EDARADD: variants seen among roughly 807,000 people sequenced by gnomAD.
EDARADD encodes the protein EDAR associated via death domain, also known as ectodysplasin-A receptor-associated adapter protein.
A neutral mutation model predicts 25.6 loss-of-function variants in EDARADD; 20 were observed. The ratio of observed to expected loss-of-function variants is 0.78; its 90% confidence interval spans 0.55 to 1.14. The LOEUF (loss-of-function observed/expected upper bound fraction) is 1.14, where lower values mean the gene tolerates loss of function less well. Ranked by LOEUF, EDARADD falls within the 50% of genes most tolerant of loss-of-function variation. EDARADD has a pLI of 0.00. For synonymous variants in EDARADD, 86 were observed against 94.4 expected, an observed-to-expected ratio of 0.91 and a Z score of 0.52; for missense variants, 225 against 270.1, an observed-to-expected ratio of 0.83 and a Z score of 1.17.
At chr1:236,428,552 CAG>C (rs1657991223) in intron 4 of EDARADD, among the ~76,000 whole-genome samples, 1 of 142,998 alleles carries the variant, frequency 7.0e-6, no homozygotes, top group Non-Finnish European at 1.6e-5. Flanking sequence ...GGCGGCCAGT[CAG>C]AGACACTCCT....
chr1:236,463,947 C>T (rs1438794593), intron 4 of EDARADD, among the ~76,000 whole-genome samples: 1 of 152,208 alleles, frequency 6.6e-6, no homozygotes, highest in African/African-American at 2.4e-5. Context: ...GACAGGGTGC[C>T]TGGGGAACAC....
chr1:236,409,833 G>A (rs1657395482), intron 2 of EDARADD, among the ~76,000 whole-genome samples: 1 of 151,792 alleles, frequency 6.6e-6, no homozygotes, highest in Non-Finnish European at 1.5e-5. Flanking sequence ...CAAAGTGCTG[G>A]GATTACAGAT....
chr1:236,417,931 A>C (rs1422024166), intron 3 of EDARADD, among the ~76,000 whole-genome samples: 1 of 110,058 alleles, frequency 9.1e-6, no homozygotes. Flanking sequence ...AGTAAGGTAG[A>C]CTTTTTTTTT....
At chr1:236,426,878 GT>G (rs1657933830) in intron 3 of EDARADD, among the ~76,000 whole-genome samples, 1 of 152,082 alleles carries the variant, frequency 6.6e-6, no homozygotes, top group Non-Finnish European at 1.5e-5. Context: ...GAGACCCTCT[GT>G]CTCTTATTTT....
chr1:236,394,843 G>A (rs991496678), intron 1 of EDARADD, among the ~76,000 whole-genome samples: 4 of 152,230 alleles, frequency 2.6e-5, no homozygotes, highest in East Asian at 1.9e-4. Context: ...CCACTTAAGC[G>A]TAATATTTTA....
rs180963422 is a variant in EDARADD, at chr1:236,418,174, C to T, written c.160+3875C>T. Among the ~76,000 whole-genome samples, 505 of 151,654 alleles carry T rather than the reference C, an allele frequency of 3.3e-3. 4 individuals carry two copies. Among genetic ancestry groups the T allele is most frequent in the African/African-American group, 0.012 (486 of 41,360 alleles). On this transcript the variant is annotated intron_variant, in intron 3 of 5. Transcript: ENST00000334232. ...TTCACCGTGTTAGCCAGGATGGTCTCGATCTCCTGACTTCATGATCCACCT... is the reference window on the plus strand; with the variant it reads ...TTCACCGTGTTAGCCAGGATGGTCTTGATCTCCTGACTTCATGATCCACCT...
chr1:236,362,987 GAAAAA>G (rs577963160), intron 3 of EDARADD, among the ~76,000 whole-genome samples: 73 of 29,538 alleles, frequency 2.5e-3, no homozygotes, highest in South Asian at 4.9e-3. Flanking sequence ...CTTTTTTTAA[GAAAAA>G]AAAAAAAAAA....
intron 4 of EDARADD, among the ~76,000 whole-genome samples, chr1:236,435,723 A>G (rs1172520531): frequency 6.6e-6 from 1 of 152,276 alleles, no homozygotes; most frequent in Non-Finnish European, 1.5e-5. Context: ...TCTACTTTTC[A>G]GGATGAGAAA....
At chr1:236,479,745 CA>C (rs71928175) in intron 5 of EDARADD, among the ~76,000 whole-genome samples, 91 of 146,178 alleles carry the variant, frequency 6.2e-4, no homozygotes, top group Admixed American at 8.9e-4. Flanking sequence ...AAAGTTTAAT[CA>C]AAAAAAAAAA....
At chr1:236,427,894 AAT>A (rs1342530945) in intron 4 of EDARADD, among the ~76,000 whole-genome samples, 7 of 151,866 alleles carry the variant, frequency 4.6e-5, no homozygotes, top group Admixed American at 1.3e-4. Context: ...CCAAAAAGGA[AAT>A]ATGTTTATTG....
chr1:236,411,989 A>C (rs1294705769), intron 2 of EDARADD, among the ~76,000 whole-genome samples: 1 of 152,194 alleles, frequency 6.6e-6, no homozygotes, highest in Non-Finnish European at 1.5e-5. Context: ...ACTTCAACAC[A>C]TCTGGTTTGG....
chr1:236,394,011 A>AC (rs34738771), upstream of EDARADD, among the ~76,000 whole-genome samples: 116,909 of 150,582 alleles, frequency 0.78, 46,371 homozygotes, highest in South Asian at 0.91. Context: ...AAAAAAAAAA[A>AC]CCCTTAAAAT....
At chr1:236,410,083 TTTA>T (rs1039226306) in intron 2 of EDARADD, among the ~76,000 whole-genome samples, 4 of 152,248 alleles carry the variant, frequency 2.6e-5, no homozygotes, top group Admixed American at 1.3e-4. Flanking sequence ...ATTTTATGGT[TTTA>T]TTATTATTAT....
intron 3 of EDARADD, among the ~76,000 whole-genome samples, chr1:236,366,169 G>T (rs1053789486): frequency 6.6e-6 from 1 of 152,210 alleles, no homozygotes; most frequent in African/African-American, 2.4e-5. Flanking sequence ...TTGGTTGGCT[G>T]CCAGACATTG....
At position 236,398,400 on chromosome 1, in the gene EDARADD, C is replaced by A. The variant is rs670431; in HGVS notation, c.61+3895C>A. Among the ~76,000 whole-genome samples, 1 of 152,144 alleles carries A rather than the reference C, an allele frequency of 6.6e-6. No homozygotes were observed. The highest frequency in any genetic ancestry group is 1.5e-5 in the Non-Finnish European group (1 of 68,032). ...GTGTGAACCACTGTGCCCAGCCAGT[C>A]GTCTTTTAAAAACAAATCGGATTCT... On this transcript the variant is annotated intron_variant, in intron 1 of 5. Coordinates refer to ENST00000334232, the MANE Select transcript of EDARADD (RefSeq NM_145861.4). This position sits in a 1 kb window ranked among gnomAD's most constrained non-coding sequence, Gnocchi z 4.1.
intron 3 of EDARADD, among the ~76,000 whole-genome samples, chr1:236,370,604 T>C (rs1400268273): frequency 1.3e-5 from 2 of 152,052 alleles, no homozygotes; most frequent in African/African-American, 4.8e-5. Flanking sequence ...CAGTCGGAGA[T>C]GAAATCATAA....
At chr1:236,461,219 AAT>A (rs756312511) in intron 4 of EDARADD, among the ~76,000 whole-genome samples, 38 of 152,172 alleles carry the variant, frequency 2.5e-4, no homozygotes, top group Non-Finnish European at 1.2e-4. Flanking sequence ...CAGGTACTGA[AAT>A]ATTTTCTGCA....
At chr1:236,463,171 T>C (rs767696828) in intron 4 of EDARADD, among the ~76,000 whole-genome samples, 1 of 152,252 alleles carries the variant, frequency 6.6e-6, no homozygotes, top group Non-Finnish European at 1.5e-5. Flanking sequence ...CGGAATAGTG[T>C]TTGTATCGTG....
Position 236,482,493 on chromosome 1 carries a change from C to G in EDARADD, c.492C>G (p.Thr164=), listed in dbSNP as rs371337563. Reference sequence around the variant, plus strand: ...TGGAGCAGAGGCCACAGAGCCCCACCTTGGAGTTCTTGCTCCGGAACAGTC... The same window carrying G: ...TGGAGCAGAGGCCACAGAGCCCCACGTTGGAGTTCTTGCTCCGGAACAGTC... The part of the protein sequence containing the change: ...CFLEQRPQSP[T]LEFLLRNSQR... The change falls in exon 6 of 6, where the codon ACC becomes ACG. Residue 164 remains threonine, a synonymous_variant. Coordinates refer to ENST00000334232, the MANE Select transcript of EDARADD (RefSeq NM_145861.4). 22 of 1,613,496 alleles carry G rather than the reference C, an allele frequency of 1.4e-5. No individual in the cohort carries two copies. The East Asian group carries it at 1.6e-4, about 11-fold the overall frequency.
Sources: allele counts gnomAD v4.1 joint callset (sites outside exome capture counted in the v4.1 genomes callset), GRCh38; gene constraint gnomAD v4.1.1; non-coding constraint Gnocchi (gnomAD v3.1); transcripts MANE v1.5; gene names NCBI Gene and HGNC (gene_info 2026-07-23, HGNC 2026-07-21).